The following CAMK1D variants were observed in gnomAD, a reference collection of about 807,000 sequenced individuals.
CAMK1D encodes the protein calcium/calmodulin dependent protein kinase ID.
Under a neutral mutation model 47.7 loss-of-function variants are expected in CAMK1D, and 9 were observed. The observed-to-expected ratio is 0.19, with a 90% confidence interval of 0.11 to 0.33. The LOEUF is 0.33. CAMK1D is among the 10% of genes least tolerant of loss of function. CAMK1D has a pLI of 1.00. For missense variants in CAMK1D, 291 were observed against 488.7 expected (o/e 0.60, Z 3.81); for synonymous variants, 184 against 184.9 (o/e 0.99, Z 0.04).
chr10:12,618,322 A>G (rs1008641896), intron 2 of CAMK1D, among the ~76,000 whole-genome samples: 1 of 152,208 alleles, frequency 6.6e-6, no homozygotes, highest in African/African-American at 2.4e-5. Flanking sequence ...GCATTCTTCA[A>G]TAGATTTCAT....
chr10:12,399,805 G>T (rs1420406511), intron 1 of CAMK1D, among the ~76,000 whole-genome samples: 1 of 152,208 alleles, frequency 6.6e-6, no homozygotes, highest in Non-Finnish European at 1.5e-5. Flanking sequence ...GTGTGGAAAG[G>T]CTGTAAGGTA....
chr10:12,489,080 C>T (rs932832641), intron 1 of CAMK1D, among the ~76,000 whole-genome samples: 28 of 152,254 alleles, frequency 1.8e-4, no homozygotes, highest in African/African-American at 6.0e-4. Context: ...GGACTACTGG[C>T]GCCCGCCACC....
chr10:12,639,464 G>A (rs1839607319), intron 2 of CAMK1D, among the ~76,000 whole-genome samples: 1 of 151,904 alleles, frequency 6.6e-6, no homozygotes, highest in African/African-American at 2.4e-5. Context: ...CAGCTTGGGC[G>A]ACAGAGCAAG....
intron 1 of CAMK1D, among the ~76,000 whole-genome samples, chr10:12,446,096 G>A (rs767295731): frequency 4.6e-5 from 7 of 152,162 alleles, no homozygotes; most frequent in Admixed American, 2.0e-4. Flanking sequence ...CAGCCTGCTA[G>A]TGTTACAGAA....
intron 1 of CAMK1D, among the ~76,000 whole-genome samples, chr10:12,421,631 T>G (rs1275385629): frequency 1.3e-5 from 2 of 148,414 alleles, no homozygotes; most frequent in Non-Finnish European, 3.0e-5. Context: ...GTTCAAGCGA[T>G]TCTTCTGCCT....
intron 1 of CAMK1D, among the ~76,000 whole-genome samples, chr10:12,546,285 C>T (rs959107848): frequency 1.3e-5 from 2 of 151,834 alleles, no homozygotes; most frequent in African/African-American, 4.8e-5. Context: ...ACCAGAGCCA[C>T]GATGAAGGGA....
chr10:12,616,580 T>C lies in CAMK1D; in HGVS notation c.225-50156T>C, dbSNP rs186417355. Among the ~76,000 whole-genome samples the C allele has an allele frequency of 6.7e-3, 1,011 of 151,992 alleles. 9 individuals are homozygous for C. The highest frequency in any genetic ancestry group is 0.047 in the East Asian group (241 of 5,158). On this transcript the variant is annotated intron_variant, in intron 2 of 10. Coordinates refer to ENST00000619168, the MANE Select transcript of CAMK1D (RefSeq NM_153498.4). ...TCTCCCAGGCTGGGGTGCAGTGGTG[T>C]GATCTCGGCTCACTGCAAGCTCCGC...
intron 5 of CAMK1D, among the ~76,000 whole-genome samples, chr10:12,786,362 T>C (rs534266884): frequency 4.6e-5 from 7 of 152,202 alleles, no homozygotes; most frequent in Non-Finnish European, 8.8e-5. Context: ...TTGGTCGATA[T>C]AACACAGATA....
In CAMK1D at chr10:12,520,297, G is replaced by A. The variant is rs1370329363; in HGVS notation, c.93-32928G>A. Among the ~76,000 whole-genome samples, 6 of 88,852 alleles carry A rather than the reference G, an allele frequency of 6.8e-5. 2 individuals are homozygous for A. Among genetic ancestry groups the A allele is most frequent in the African/African-American group, 2.1e-4 (5 of 23,360 alleles). 58.3% of individuals were successfully genotyped at this position (88,852 alleles called of 152,430 possible). A position where few individuals can be genotyped will look rare whatever the true frequency, so the allele number is the denominator to read the frequency against. ...GCGCTCCTCACATCCTAGACAGGGC[G>A]GCGGGGCAGAGGCGCTCCCCACTCA... On this transcript the variant is annotated intron_variant, in intron 1 of 10. Transcript: ENST00000619168.
chr10:12,370,811 C>A (rs1198169434), intron 1 of CAMK1D, among the ~76,000 whole-genome samples: 1 of 152,050 alleles, frequency 6.6e-6, no homozygotes, highest in African/African-American at 2.4e-5. Flanking sequence ...TTTCACCGTG[C>A]TGGCCAGGCT....
At chr10:12,599,901 A>G (rs1838252301) in intron 2 of CAMK1D, among the ~76,000 whole-genome samples, 1 of 152,214 alleles carries the variant, frequency 6.6e-6, no homozygotes, top group Non-Finnish European at 1.5e-5. Context: ...CAAATAAAAA[A>G]CCAACCAACC....
intron 2 of CAMK1D, among the ~76,000 whole-genome samples, chr10:12,651,321 G>A (rs1839958068): frequency 6.6e-6 from 1 of 152,206 alleles, no homozygotes; most frequent in Admixed American, 6.5e-5. Flanking sequence ...ACAGACAGGT[G>A]TGTGTATGCG....
In CAMK1D at chr10:12,830,162, A is replaced by G. The variant is rs750887801; in HGVS notation, c.*1275A>G. On this transcript the variant is annotated 3_prime_UTR_variant, in exon 11 of 11. Coordinates refer to ENST00000619168, the MANE Select transcript of CAMK1D (RefSeq NM_153498.4). ...AGAGCTAACAGATGAAAGCTCAGCT[A>G]TGCAGTGTTAAAATTCATCTCTTTC... is the stretch of plus-strand genomic sequence containing the variant. 1.3e-5 allele frequency: 2 copies of G among 152,226 alleles called. No homozygotes were observed. The highest frequency in any genetic ancestry group is 2.4e-5 in the African/African-American group (1 of 41,466). 9.4% of individuals were successfully genotyped at this position (152,226 alleles called of 1,614,324 possible).
At chr10:12,503,472 G>C (rs1010306779) in intron 1 of CAMK1D, among the ~76,000 whole-genome samples, 3 of 152,202 alleles carry the variant, frequency 2.0e-5, no homozygotes, top group Admixed American at 6.5e-5. Flanking sequence ...CAGGTGAGGC[G>C]AAGAGGCCAG....
At chr10:12,476,060 A>AG (rs533180380) in intron 1 of CAMK1D, among the ~76,000 whole-genome samples, 1,738 of 151,908 alleles carry the variant, frequency 0.011, 32 homozygotes, top group African/African-American at 0.039. Flanking sequence ...AGGGAGGCCG[A>AG]GGGGGGGCGG....
chr10:12,558,568 A>G (rs75347441), intron 2 of CAMK1D, among the ~76,000 whole-genome samples: 2 of 151,952 alleles, frequency 1.3e-5, no homozygotes, highest in African/African-American at 4.8e-5. Context: ...AAAAAAAAAT[A>G]CAATAATTTC....
chr10:12,649,972 T>C lies in CAMK1D; in HGVS notation c.225-16764T>C, dbSNP rs144896124. Among the ~76,000 whole-genome samples, 278 of 152,366 alleles carry C rather than the reference T, an allele frequency of 1.8e-3. 1 individual carries two copies. In the Middle Eastern group the frequency reaches 0.034, roughly 19 times the overall value. ...TTTCCCAGGAACGATTTCACCGTGT[T>C]CAACTTCAGCATCTCTGCAAGAGAA... On this transcript the variant is annotated intron_variant, in intron 2 of 10. Transcript: ENST00000619168.
At position 12,696,725 on chromosome 10, in the gene CAMK1D, T is replaced by A. The variant is rs555534258; in HGVS notation, c.299+29915T>A. On this transcript the variant is annotated intron_variant, in intron 3 of 10. Transcript: ENST00000619168. ...TGCAATTCTTGATGTTCTTCTTCAT[T>A]GTATTTGGAAGCCTCAGAATTTTCT... 3.3e-5 allele frequency among the ~76,000 whole-genome samples: 5 copies of A among 152,382 alleles called. No individual in the cohort carries two copies. The South Asian group carries it at 1.0e-3, about 32-fold the overall frequency.
At chr10:12,690,930 A>G (rs1163564756) in intron 3 of CAMK1D, among the ~76,000 whole-genome samples, 1 of 152,102 alleles carries the variant, frequency 6.6e-6, no homozygotes, top group Non-Finnish European at 1.5e-5. Flanking sequence ...TCACCCTGTT[A>G]TGGCCACTAG....
Sources: gnomAD v4.1 joint callset for allele counts (sites outside exome capture counted in the v4.1 genomes callset) on GRCh38, gnomAD v4.1.1 for gene constraint, MANE v1.5 for transcripts, NCBI Gene and HGNC (gene_info 2026-07-23, HGNC 2026-07-21) for gene names.